ITGAE: variants seen among roughly 807,000 people sequenced by gnomAD.
The protein encoded by ITGAE is integrin subunit alpha E, also known as integrin alpha-E.
Under a neutral mutation model 136.5 loss-of-function variants are expected in ITGAE, and 99 were observed. That is an observed-to-expected ratio of 0.73 (90% CI 0.62 to 0.86). ITGAE has a LOEUF of 0.86. Among genes scored for constraint, ITGAE ranks in the 40% least tolerant of loss-of-function variants. The pLI is 0.00. For synonymous variants in ITGAE, 613 were observed against 591.8 expected (o/e 1.04, Z -0.52); for missense variants, 1,447 against 1,515.3 (o/e 0.95, Z 0.75).
chr17:3,764,476 C>T (rs1438505533), intron 2 of ITGAE, among the ~76,000 whole-genome samples: 3 of 152,170 alleles, frequency 2.0e-5, no homozygotes, highest in Admixed American at 1.3e-4. Flanking sequence ...GCAGGTGGAT[C>T]ATCTGGGGTC....
At position 3,745,056 on chromosome 17, in the gene ITGAE, G is replaced by A. The variant is rs976454826; in HGVS notation, c.2319+708C>T. 2.0e-5 allele frequency among the ~76,000 whole-genome samples: 3 copies of A among 152,134 alleles called. No individual in the cohort carries two copies. In the South Asian group the frequency reaches 6.2e-4, roughly 32 times the overall value. Reference sequence around the variant, plus strand: ...AACGATCCATATAGATCCAAAGTTCGAGATCCTGTCAGGGTTTGAGTCCCG... The same window carrying A: ...AACGATCCATATAGATCCAAAGTTCAAGATCCTGTCAGGGTTTGAGTCCCG... On this transcript the variant is annotated intron_variant, in intron 18 of 30. Coordinates refer to ENST00000263087, the MANE Select transcript of ITGAE (RefSeq NM_002208.5).
chr17:3,720,733 C>G (rs942951246), intron 28 of ITGAE: 1 of 194,382 alleles, frequency 5.1e-6, no homozygotes, highest in African/African-American at 2.4e-5. Context: ...TGGGCATGTG[C>G]CACCATGCCA....
chr17:3,760,477 T>C (rs1273521401), intron 6 of ITGAE, among the ~76,000 whole-genome samples, 190 bp from the exon 7 acceptor site: 1 of 131,686 alleles, frequency 7.6e-6, no homozygotes, highest in Non-Finnish European at 1.6e-5. Context: ...CTTCACTCTG[T>C]TGCCCAGGCT....
intron 2 of ITGAE, among the ~76,000 whole-genome samples, chr17:3,774,136 C>T (rs2052487768): frequency 6.6e-6 from 1 of 150,858 alleles, no homozygotes. Context: ...AGCTCCCGCC[C>T]TGCCCAGCCA....
chr17:3,731,633 C>T (rs891015800), intron 22 of ITGAE, among the ~76,000 whole-genome samples: 33 of 151,708 alleles, frequency 2.2e-4, no homozygotes, highest in African/African-American at 6.3e-4. Context: ...TGAGCCACCG[C>T]GCCTGGCCCC....
chr17:3,755,172 C>T lies in ITGAE; in HGVS notation c.1329G>A (p.Leu443=). ...YDTRSRRGRF[L]NQTAAAAADA... is the part of the protein sequence containing the mutation. ...CTGCCGCCGCCGCCGCTGTCTGGTT[C>T]AGGAAGCGGCCCCGGCGGCTGCGTG... The change falls in exon 12 of 31, where the codon CTG becomes CTA. Residue 443 remains leucine (L), a synonymous_variant. Transcript: ENST00000263087. 6.4e-7 allele frequency: 1 copy of T among 1,563,644 alleles called. No homozygotes were observed. Among genetic ancestry groups the T allele is most frequent in the Non-Finnish European group, 8.6e-7 (1 of 1,156,510 alleles).
chr17:3,796,170 C>CGTGTGTGTGTGTGT (rs71381510), intron 1 of ITGAE, among the ~76,000 whole-genome samples: 15,844 of 126,666 alleles, frequency 0.13, 1,426 homozygotes, highest in Non-Finnish European at 0.15. Context: ...TGTGTGCATC[C>CGTGTGTGTGTGTGT]GTGTGTGTGT....
At chr17:3,795,363 A>G (rs2053039698) in intron 1 of ITGAE, among the ~76,000 whole-genome samples, 1 of 152,210 alleles carries the variant, frequency 6.6e-6, no homozygotes, top group East Asian at 1.9e-4. Context: ...TGGGCCAGAT[A>G]TTCCCTTTCC....
At chr17:3,744,229 G>T (rs2051659028) in intron 18 of ITGAE, among the ~76,000 whole-genome samples, 1 of 152,046 alleles carries the variant, frequency 6.6e-6, no homozygotes, top group Non-Finnish European at 1.5e-5. Flanking sequence ...AATAAAAGTG[G>T]TGAGTCAGAA....
At chr17:3,729,415 G>C in intron 24 of ITGAE, 63 bp downstream of exon 24, 1 of 1,000,888 alleles carries the variant, frequency 1.0e-6, no homozygotes, top group Non-Finnish European at 1.6e-6. Flanking sequence ...CTACGAGAGA[G>C]AGCCCAAAGC....
intron 1 of ITGAE, among the ~76,000 whole-genome samples, chr17:3,796,508 G>A (rs1232077468): frequency 3.9e-5 from 6 of 152,090 alleles, no homozygotes; most frequent in Admixed American, 2.0e-4. Context: ...GGGGCGATAC[G>A]CGGCCCCAGG....
Position 3,755,129 on chromosome 17 carries a change from A to G in ITGAE, c.1372T>C (p.Tyr458His). The change falls in exon 12 of 31, where the codon TAC becomes CAC. Residue 458 changes from tyrosine (Y) to histidine (H), a missense_variant. This residue lies in a region of ITGAE where 1,031 missense variants were observed against 1,011.4 expected (regional missense o/e 1.02). Coordinates refer to ENST00000263087, the MANE Select transcript of ITGAE (RefSeq NM_002208.5). ...AAAADAEAAQYSYLGYAVAVL... is the reference protein window; with the variant it reads ...AAAADAEAAQHSYLGYAVAVL... The stretch of plus-strand genomic sequence containing the variant: ...GCCCCGCCCTCACCCAGGTAGCTGT[A>G]CTGCGCAGCCTCCGCGTCTGCCGCC... 1 of 1,265,480 alleles carries G rather than the reference A, an allele frequency of 7.9e-7. No homozygotes were observed. Among genetic ancestry groups the G allele is most frequent in the South Asian group, 1.2e-5 (1 of 81,698 alleles). 78.4% of individuals were successfully genotyped at this position (1,265,480 alleles called of 1,614,324 possible).
In ITGAE at chr17:3,748,048, G is replaced by A. The variant is rs1381750714; in HGVS notation, c.2029C>T (p.Arg677Trp). The change falls in exon 17 of 31, where the codon CGG (arginine) becomes TGG (tryptophan). Residue 677 changes from arginine to tryptophan, a missense_variant. Around this residue, in one of 3 missense-constraint regions of ITGAE, gnomAD observed 1,031 missense variants for 1,011.4 expected, o/e 1.02. Coordinates refer to ENST00000263087, the MANE Select transcript of ITGAE (RefSeq NM_002208.5). ...TLGQAVVFRS[R>W]PVVRLKVSMA... ...GAGACCTTCAGGCGAACCACAGGCCGGGAGCTAAACAAGACAGCAAAGAGG... is the reference window on the plus strand; with the variant it reads ...GAGACCTTCAGGCGAACCACAGGCCAGGAGCTAAACAAGACAGCAAAGAGG... 3.7e-6 allele frequency: 6 copies of A among 1,610,310 alleles called. No individual in the cohort carries two copies. Among genetic ancestry groups the A allele is most frequent in the South Asian group, 2.2e-5 (2 of 90,976 alleles).
Position 3,761,388 on chromosome 17 carries a change from A to G in ITGAE, c.433+15T>C, listed in dbSNP as rs1366693139. The G allele has an allele frequency of 3.7e-6, 6 of 1,603,906 alleles. No homozygotes were observed. ...CTTTAGAGCTATCCAAGGCCAGTGA[A>G]TGTCCAATCCTTACCAAGGTCGAAG... On this transcript the variant is annotated intron_variant, in intron 5 of 30. Transcript: ENST00000263087.
chr17:3,731,631 C>T (rs1049593234), intron 22 of ITGAE, among the ~76,000 whole-genome samples: 6 of 151,704 alleles, frequency 4.0e-5, no homozygotes, highest in South Asian at 2.1e-4. Context: ...CATGAGCCAC[C>T]GCGCCTGGCC....
At chr17:3,716,944 A>G (rs1776150712) in intron 29 of ITGAE, 146 bp from the exon 30 acceptor site, 2 of 588,896 alleles carry the variant, frequency 3.4e-6, no homozygotes, top group African/African-American at 3.7e-5. Flanking sequence ...AAAAAGCTAG[A>G]TATTCCCTGA....
At chr17:3,724,496 C>T in intron 26 of ITGAE, 1 of 1,614,000 alleles carries the variant, frequency 6.2e-7, no homozygotes, top group Admixed American at 1.7e-5. Context: ...ACAGTGTCAT[C>T]TCGATCGGCA....
Position 3,779,538 on chromosome 17 carries a change from G to A in ITGAE, c.35-1878C>T, listed in dbSNP as rs549501914. ...GAGACAGGGTTTCACAATGTTGACC[G>A]AGCTGGTTTCGAACTCCTGACCTCA... On this transcript the variant is annotated intron_variant, in intron 1 of 30. Transcript: ENST00000263087. 4.6e-5 allele frequency among the ~76,000 whole-genome samples: 7 copies of A among 151,900 alleles called. No individual in the cohort carries two copies. In the South Asian group the frequency reaches 1.5e-3, roughly 32 times the overall value.
intron 10 of ITGAE, 91 bp downstream of exon 10, chr17:3,756,893 T>G: frequency 7.3e-7 from 1 of 1,378,888 alleles, no homozygotes; most frequent in Non-Finnish European, 9.9e-7. Flanking sequence ...TGATGGGAGT[T>G]GCTCAGAGAA....
Sources: gnomAD v4.1 joint callset for allele counts (sites outside exome capture counted in the v4.1 genomes callset) on GRCh38, gnomAD v4.1.1 for gene constraint, gnomAD v4.1.1 regional missense constraint, MANE v1.5 for transcripts, NCBI Gene and HGNC (gene_info 2026-07-23, HGNC 2026-07-21) for gene names.